Variants in THADA observed in about 807,000 individuals in gnomAD.
THADA encodes THADA armadillo repeat containing.
THADA carries 213 observed loss-of-function variants against 219.8 expected under a neutral mutation model. The observed-to-expected ratio is 0.97, with a 90% CI of 0.87 to 1.09. THADA has a LOEUF of 1.09. Ranked by LOEUF, THADA falls within the 50% of genes least tolerant of loss-of-function variation. THADA has a pLI of 0.00. For synonymous variants in THADA, 1,018 were observed against 828.9 expected (o/e 1.23, Z -3.92); for missense variants, 2,956 against 2,311.3 (o/e 1.28, Z -5.72).
Position 43,232,856 on chromosome 2 carries a change from A to C in THADA, c.5323T>G (p.Ser1775Ala). The part of the protein sequence containing the change: ...TEFAFCQVDA[S>A]IALALALAVL... ...GCCAGGGCCAGGGCCAGAGCGATGG[A>C]GGCATCCACCTGGCAGAAGGCAAAC... The change falls in exon 37 of 38, where the codon TCC becomes GCC. Residue 1775 changes from serine to alanine, a missense_variant. Ser to Ala is a moderately conservative substitution (Grantham distance 99). Coordinates refer to ENST00000405975, the MANE Select transcript of THADA (RefSeq NM_022065.5). 1 of 1,611,438 alleles carries C rather than the reference A, an allele frequency of 6.2e-7. No homozygotes were observed. Among genetic ancestry groups the C allele is most frequent in the African/African-American group, 1.3e-5 (1 of 75,000 alleles).
At chr2:43,290,220 C>A (rs1475040803) in intron 34 of THADA, among the ~76,000 whole-genome samples, 1 of 151,810 alleles carries the variant, frequency 6.6e-6, no homozygotes, top group Non-Finnish European at 1.5e-5. Flanking sequence ...GATCTGCCTG[C>A]CTTGACCTCC....
At chr2:43,476,533 C>T (rs751636455) in intron 26 of THADA, among the ~76,000 whole-genome samples, 2 of 152,068 alleles carry the variant, frequency 1.3e-5, no homozygotes, top group African/African-American at 4.8e-5. Context: ...TACTGTTATT[C>T]GCAGCCAAAA....
At chr2:43,350,698 G>A (rs1483485322) in intron 29 of THADA, among the ~76,000 whole-genome samples, 1 of 152,250 alleles carries the variant, frequency 6.6e-6, no homozygotes, top group Admixed American at 6.5e-5. Flanking sequence ...TTCCCCAGAA[G>A]AAAGTGCTTG....
At chr2:43,579,501 T>A (rs1229591638) in intron 8 of THADA, among the ~76,000 whole-genome samples, 1 of 152,344 alleles carries the variant, frequency 6.6e-6, no homozygotes, top group East Asian at 1.9e-4. Context: ...CACTTCTTTA[T>A]GACATCATAA....
At chr2:43,283,600 A>AT (rs1425607257) in intron 35 of THADA, among the ~76,000 whole-genome samples, 21 of 152,202 alleles carry the variant, frequency 1.4e-4, no homozygotes, top group African/African-American at 4.6e-4. Flanking sequence ...TAGCAAAGAG[A>AT]TTGGTGGCAT....
chr2:43,257,789 C>T (rs1168213549), intron 36 of THADA, among the ~76,000 whole-genome samples: 1 of 152,170 alleles, frequency 6.6e-6, no homozygotes, highest in Non-Finnish European at 1.5e-5. Flanking sequence ...ACAACCAACA[C>T]TCAAATATGT....
chr2:43,358,478 G>A (rs1669124191), intron 29 of THADA, among the ~76,000 whole-genome samples: 1 of 152,184 alleles, frequency 6.6e-6, no homozygotes, highest in Non-Finnish European at 1.5e-5. Context: ...GCTGTTCATG[G>A]GGGAGATAGG....
intron 36 of THADA, among the ~76,000 whole-genome samples, chr2:43,254,917 C>T (rs537692936): frequency 1.1e-4 from 16 of 152,300 alleles, no homozygotes; most frequent in Non-Finnish European, 4.4e-5. Context: ...TTGGTCATCA[C>T]TTCCCAAAAA....
intron 31 of THADA, among the ~76,000 whole-genome samples, chr2:43,314,188 T>G (rs1337495534): frequency 6.6e-6 from 1 of 152,204 alleles, no homozygotes; most frequent in African/African-American, 2.4e-5. Flanking sequence ...AGGGTATGGA[T>G]GGACAAATCC....
chr2:43,525,390 C>T (rs1422432582), intron 22 of THADA, among the ~76,000 whole-genome samples: 1 of 152,180 alleles, frequency 6.6e-6, no homozygotes, highest in Non-Finnish European at 1.5e-5. Flanking sequence ...TCCTAAGATG[C>T]ACTTAAAATC....
chr2:43,293,334 T>G, intron 31 of THADA, 121 bp from the exon 32 acceptor site: 4 of 1,127,510 alleles, frequency 3.5e-6, no homozygotes, highest in Non-Finnish European at 4.9e-6. Flanking sequence ...ATAAGCAGAT[T>G]TCAAACACTG....
intron 26 of THADA, among the ~76,000 whole-genome samples, chr2:43,445,444 T>C (rs542699383): frequency 1.3e-5 from 2 of 152,154 alleles, no homozygotes; most frequent in East Asian, 1.9e-4. Context: ...AAACAATGAG[T>C]GATCAGAAAA....
At chr2:43,473,955 A>G (rs776379161) in intron 26 of THADA, among the ~76,000 whole-genome samples, 2 of 152,100 alleles carry the variant, frequency 1.3e-5, no homozygotes, top group African/African-American at 2.4e-5. Flanking sequence ...GGTAGGTTTT[A>G]CACCAGCATC....
At chr2:43,466,303 C>A (rs977851743) in intron 26 of THADA, among the ~76,000 whole-genome samples, 4 of 152,218 alleles carry the variant, frequency 2.6e-5, no homozygotes, top group Admixed American at 2.0e-4. Flanking sequence ...AACATGTTCA[C>A]ACCAACCTTT....
At chr2:43,320,569 T>G (rs758959909) in intron 30 of THADA, 29 bp from the exon 31 acceptor site, 99 of 1,558,794 alleles carry the variant, frequency 6.4e-5, no homozygotes, top group Non-Finnish European at 7.7e-5. Context: ...GAATATAAAT[T>G]GAGATTTTCT....
At chr2:43,443,216 T>G (rs527425065) in intron 26 of THADA, among the ~76,000 whole-genome samples, 3 of 152,276 alleles carry the variant, frequency 2.0e-5, no homozygotes, top group South Asian at 4.1e-4. Context: ...TACTAAACAG[T>G]TGCCGAGTGA....
chr2:43,536,814 T>C (rs929700832), intron 21 of THADA, among the ~76,000 whole-genome samples: 1 of 152,218 alleles, frequency 6.6e-6, no homozygotes, highest in Non-Finnish European at 1.5e-5. Flanking sequence ...TTCTTTTACT[T>C]GTGAAATGGA....
At chr2:43,485,013 T>A (rs1361074878) in intron 26 of THADA, among the ~76,000 whole-genome samples, 1 of 152,000 alleles carries the variant, frequency 6.6e-6, no homozygotes, top group Non-Finnish European at 1.5e-5. Flanking sequence ...CCTTGCTACC[T>A]TGCTAAATTT....
chr2:43,380,003 C>G (rs376096661), intron 29 of THADA, among the ~76,000 whole-genome samples: 4 of 152,188 alleles, frequency 2.6e-5, no homozygotes, highest in East Asian at 3.9e-4. Context: ...ATGGAAAAAT[C>G]AGTGGTTGCC....
Sources: gnomAD v4.1 joint callset for allele counts (sites outside exome capture counted in the v4.1 genomes callset) on GRCh38, gnomAD v4.1.1 for gene constraint, MANE v1.5 for transcripts, NCBI Gene and HGNC (gene_info 2026-07-23, HGNC 2026-07-21) for gene names.